Variants in GALNT17 observed in about 807,000 individuals in gnomAD.
The protein encoded by GALNT17 is UDP-GalNAc:polypeptide N-acetylgalactosaminyltransferase-like 3.
In GALNT17, 29 loss-of-function variants were observed where a neutral mutation model predicts 63.7. The ratio of observed to expected loss-of-function variants is 0.46; its 90% CI spans 0.34 to 0.62. GALNT17 has a LOEUF of 0.62. Among genes scored for constraint, GALNT17 ranks in the 20% least tolerant of loss-of-function variants. The pLI, the probability that GALNT17 is intolerant of heterozygous loss-of-function variation, is 0.01. For missense variants in GALNT17, 603 were observed against 799.6 expected, an observed-to-expected ratio of 0.75 and a Z score of 2.97; for synonymous variants, 305 against 318.3, an observed-to-expected ratio of 0.96 and a Z score of 0.45.
rs1790554486 is a variant in GALNT17 at position 71,269,852 on chromosome 7, C to G, written c.239-65698C>G. 2.0e-5 allele frequency among the ~76,000 whole-genome samples: 3 copies of G among 152,210 alleles called. No homozygotes were observed. In the South Asian group the frequency reaches 6.2e-4, roughly 32 times the overall value. On this transcript the variant is annotated intron_variant, in intron 1 of 10. Transcript: ENST00000333538. ...TGATGGAAGACGGATGGAGCCCTTG[C>G]CTTTGTCCCCCACAGATAAATTTGT...
chr7:71,299,769 AT>A (rs529386783), intron 1 of GALNT17, among the ~76,000 whole-genome samples: 52 of 149,042 alleles, frequency 3.5e-4, no homozygotes, highest in South Asian at 1.9e-3. Context: ...TATTATTACA[AT>A]TTTTTTTTTA....
At chr7:71,168,437 T>C (rs920165203) in intron 1 of GALNT17, among the ~76,000 whole-genome samples, 8 of 151,930 alleles carry the variant, frequency 5.3e-5, no homozygotes, top group African/African-American at 1.9e-4. Context: ...CTGGGTGTGG[T>C]GGCGGGCGGC....
chr7:71,521,818 G>A (rs1788535535), intron 5 of GALNT17, among the ~76,000 whole-genome samples: 1 of 152,260 alleles, frequency 6.6e-6, no homozygotes, highest in Non-Finnish European at 1.5e-5. Context: ...TGACACATCC[G>A]AAACAGTAAC....
chr7:71,688,144 C>A (rs1227399432), intron 9 of GALNT17, among the ~76,000 whole-genome samples: 1 of 152,112 alleles, frequency 6.6e-6, no homozygotes, highest in African/African-American at 2.4e-5. Context: ...TTTCCATTTT[C>A]AATCTCTTAT....
chr7:71,485,712 G>T (rs1258979177), intron 5 of GALNT17, among the ~76,000 whole-genome samples: 1 of 152,138 alleles, frequency 6.6e-6, no homozygotes, highest in African/African-American at 2.4e-5. Flanking sequence ...ATGGTTTATG[G>T]CCTTGTCATT....
chr7:71,698,647 A>G (rs143999184), intron 9 of GALNT17, among the ~76,000 whole-genome samples: 2 of 152,246 alleles, frequency 1.3e-5, no homozygotes, highest in East Asian at 1.9e-4. Context: ...TAACATGTCA[A>G]CAAATCAACC....
intron 5 of GALNT17, among the ~76,000 whole-genome samples, chr7:71,442,813 G>A (rs755181700): frequency 2.0e-5 from 3 of 152,134 alleles, no homozygotes; most frequent in African/African-American, 4.8e-5. Context: ...AAAGCCCTCC[G>A]AAAACAGGCA....
At chr7:71,464,259 G>C (rs117601334) in intron 5 of GALNT17, among the ~76,000 whole-genome samples, 2,864 of 152,216 alleles carry the variant, frequency 0.019, 40 homozygotes, top group African/African-American at 0.029. Context: ...TGTTGAACTT[G>C]ATCAGGTATC....
rs530836526 is a variant in GALNT17 at position 71,571,337 on chromosome 7, G to C, written c.1015G>C (p.Glu339Gln). ...CGTGGTCAACAGGAAGTTCTTCGGT[G>C]AAATTGGTCTTCTGGATCCTGGCAT... ...SFVVNRKFFG[E>Q]IGLLDPGMDV... The change falls in exon 6 of 11, where the codon GAA becomes CAA. Residue 339 changes from glutamate (E) to glutamine (Q), a missense_variant. Transcript: ENST00000333538. 6.2e-7 allele frequency: 1 copy of C among 1,614,130 alleles called. No homozygotes were observed. The highest frequency in any genetic ancestry group is 1.1e-5 in the South Asian group (1 of 91,078).
At chr7:71,558,492 C>T (rs76034029) in intron 5 of GALNT17, among the ~76,000 whole-genome samples, 2,602 of 152,200 alleles carry the variant, frequency 0.017, 21 homozygotes, top group Non-Finnish European at 0.024. Flanking sequence ...CAAAAACAGG[C>T]AGTGTAGTTT....
intron 1 of GALNT17, among the ~76,000 whole-genome samples, chr7:71,319,091 TG>T (rs1791553373): frequency 7.6e-6 from 1 of 132,318 alleles, no homozygotes; most frequent in African/African-American, 3.8e-5. Flanking sequence ...GAGCTATTTT[TG>T]TTTATCTTTC....
At position 71,711,037 on chromosome 7, in the gene GALNT17, C is replaced by T. The variant is rs545075854; in HGVS notation, c.1668+109C>T. 86 of 1,396,496 alleles carry T rather than the reference C, an allele frequency of 6.2e-5. 1 individual carries two copies. The South Asian group carries it at 1.1e-3, about 19-fold the overall frequency. The allele number at this position is 1,396,496 out of a possible 1,614,324, so 86.5% of individuals were successfully genotyped here. A position where few individuals can be genotyped will look rare whatever the true frequency, so the allele number is the denominator to read the frequency against. On this transcript the variant is annotated intron_variant, in intron 10 of 10. Coordinates refer to ENST00000333538, the MANE Select transcript of GALNT17 (RefSeq NM_022479.3). ...GTCCCCAGCAAAGAGCGACCCCGAACCCAGGTCTCCCTGCCCCGGGCTGGG... is the reference window on the plus strand; with the variant it reads ...GTCCCCAGCAAAGAGCGACCCCGAATCCAGGTCTCCCTGCCCCGGGCTGGG...
chr7:71,397,515 A>G (rs1583917756), intron 3 of GALNT17, among the ~76,000 whole-genome samples: 1 of 152,150 alleles, frequency 6.6e-6, no homozygotes, highest in Non-Finnish European at 1.5e-5. Flanking sequence ...CCAATTATAG[A>G]TAAGAATGGG....
chr7:71,642,136 A>C (rs1194076536), intron 6 of GALNT17, among the ~76,000 whole-genome samples: 1 of 152,124 alleles, frequency 6.6e-6, no homozygotes, highest in Non-Finnish European at 1.5e-5. Flanking sequence ...AAAGGGTACC[A>C]TCATTCCTCC....
At chr7:71,551,784 G>C (rs1367817705) in intron 5 of GALNT17, among the ~76,000 whole-genome samples, 1 of 150,320 alleles carries the variant, frequency 6.7e-6, no homozygotes, top group Non-Finnish European at 1.5e-5. Flanking sequence ...GAGAGAGAGA[G>C]AGAGCGGGAA....
intron 5 of GALNT17, among the ~76,000 whole-genome samples, chr7:71,523,744 A>AAAATGAAT (rs1788567866): frequency 7.3e-6 from 1 of 137,550 alleles, no homozygotes; most frequent in African/African-American, 2.7e-5. Context: ...CCTGTCTCAA[A>AAAATGAAT]AAATAAATAA....
At chr7:71,399,008 C>T (rs1318245333) in intron 3 of GALNT17, among the ~76,000 whole-genome samples, 8 of 151,716 alleles carry the variant, frequency 5.3e-5, no homozygotes, top group African/African-American at 1.7e-4. Flanking sequence ...TGAGGTGGGA[C>T]GATCACTTGA....
chr7:71,184,533 C>G (rs762469216), intron 1 of GALNT17, among the ~76,000 whole-genome samples: 1 of 152,158 alleles, frequency 6.6e-6, no homozygotes, highest in Non-Finnish European at 1.5e-5. Context: ...CATCTAAGAG[C>G]CTTATCCTCT....
intron 6 of GALNT17, among the ~76,000 whole-genome samples, chr7:71,616,461 T>C (rs1250088206): frequency 1.4e-5 from 2 of 147,672 alleles, no homozygotes; most frequent in Non-Finnish European, 3.0e-5. Context: ...ATTTAGTAAA[T>C]ATCATTAATT....
Sources: gnomAD v4.1 joint callset for allele counts (sites outside exome capture counted in the v4.1 genomes callset) on GRCh38, gnomAD v4.1.1 for gene constraint, MANE v1.5 for transcripts, NCBI Gene and HGNC (gene_info 2026-07-23, HGNC 2026-07-21) for gene names.